RANBP2: variants seen among roughly 807,000 people sequenced by gnomAD.
The protein encoded by RANBP2 is RAN binding protein 2.
RANBP2 carries 57 observed loss-of-function variants against 303.6 expected under a neutral mutation model. That is an observed-to-expected ratio of 0.19 (90% CI 0.15 to 0.23). RANBP2 has a LOEUF of 0.23. Ranked by LOEUF, RANBP2 falls within the 10% of genes least tolerant of loss-of-function variation. RANBP2 has a pLI of 1.00. For missense variants in RANBP2, 3,138 were observed against 3,780.8 expected, an observed-to-expected ratio of 0.83 and a Z score of 4.46; for synonymous variants, 1,167 against 1,301.5, an observed-to-expected ratio of 0.90 and a Z score of 2.23.
chr2:108,771,038 T>A (rs749966112), intron 20 of RANBP2, among the ~76,000 whole-genome samples: 4 of 152,134 alleles, frequency 2.6e-5, no homozygotes, highest in Non-Finnish European at 2.9e-5. Flanking sequence ...AGAAGTTTTT[T>A]CTCTTTCTAA....
At chr2:108,973,781 ACAT>A in the RANBP2 span, among the ~76,000 whole-genome samples, 79 of 152,286 alleles carry the variant, frequency 5.2e-4, no homozygotes, top group African/African-American at 1.8e-3. Context: ...AATAACGAAA[ACAT>A]CATCAGAGTT....
chr2:109,194,529 CCA>C, the RANBP2 span, among the ~76,000 whole-genome samples: 1 of 152,252 alleles, frequency 6.6e-6, no homozygotes, highest in Non-Finnish European at 1.5e-5. Context: ...GGCATTTGCT[CCA>C]GCAGCACTGA....
chr2:109,436,324 C>A, the RANBP2 span, among the ~76,000 whole-genome samples: 1 of 152,202 alleles, frequency 6.6e-6, no homozygotes, highest in Non-Finnish European at 1.5e-5. Flanking sequence ...CAGAGTGTTC[C>A]TCTTGTGTGA....
At chr2:109,025,658 T>C in the RANBP2 span, among the ~76,000 whole-genome samples, 1 of 151,652 alleles carries the variant, frequency 6.6e-6, no homozygotes, top group Non-Finnish European at 1.5e-5. Flanking sequence ...ATTAGCCGGT[T>C]GTGGTGGTGG....
the RANBP2 span, among the ~76,000 whole-genome samples, chr2:109,403,411 C>T: frequency 6.6e-6 from 1 of 152,256 alleles, no homozygotes; most frequent in African/African-American, 2.4e-5. Flanking sequence ...GTTTCCACTT[C>T]AGAGATGAGG....
chr2:108,868,492 C>G, the RANBP2 span, among the ~76,000 whole-genome samples: 4 of 152,136 alleles, frequency 2.6e-5, no homozygotes, highest in Non-Finnish European at 5.9e-5. Flanking sequence ...GTTGGCTCCC[C>G]CATCATCATT....
the RANBP2 span, among the ~76,000 whole-genome samples, chr2:109,710,094 A>T: frequency 4.0e-5 from 6 of 150,534 alleles, no homozygotes; most frequent in Admixed American, 3.3e-4. Context: ...CTCAAAAAAA[A>T]AAAAAAGCCA....
chr2:108,765,351 T>C lies in RANBP2; in HGVS notation c.4812T>C (p.Thr1604=). 6.2e-7 allele frequency: 1 copy of C among 1,612,836 alleles called. No homozygotes were observed. Among genetic ancestry groups the C allele is most frequent in the Non-Finnish European group, 8.5e-7 (1 of 1,179,574 alleles). The part of the protein sequence containing the change: ...APKSGFEGMF[T]KKEGQWDCSV... ...AGAGCGGATTTGAGGGAATGTTCAC[T>C]AAGAAGGAGGGACAGTGGGATTGCA... Residue 1604 remains threonine, a synonymous_variant, in exon 20 of 29, where the codon ACT becomes ACC. Coordinates refer to ENST00000283195, the MANE Select transcript of RANBP2 (RefSeq NM_006267.5).
chr2:109,183,592 A>C, the RANBP2 span, among the ~76,000 whole-genome samples: 1 of 57,140 alleles, frequency 1.8e-5, no homozygotes, highest in Non-Finnish European at 3.2e-5. Context: ...CTTAACTTTT[A>C]TTTTTGAGAT....
chr2:109,030,929 TG>T, the RANBP2 span, among the ~76,000 whole-genome samples: 5 of 152,098 alleles, frequency 3.3e-5, no homozygotes, highest in Non-Finnish European at 7.3e-5. Context: ...CTTGGTAAAA[TG>T]GTTTAATAAT....
At chr2:109,571,205 A>C in the RANBP2 span, among the ~76,000 whole-genome samples, 425 of 152,348 alleles carry the variant, frequency 2.8e-3, 1 homozygote, top group Admixed American at 4.2e-3. Context: ...GTACAGCCTA[A>C]GGAACTGTAA....
the RANBP2 span, among the ~76,000 whole-genome samples, chr2:108,901,527 AAAG>A: frequency 6.6e-6 from 1 of 152,228 alleles, no homozygotes; most frequent in Non-Finnish European, 1.5e-5. Context: ...ATCAATATGA[AAAG>A]AGACAGTTAT....
At chr2:108,731,072 A>G (rs903566621) in intron 3 of RANBP2, among the ~76,000 whole-genome samples, 187 bp downstream of exon 3, 6 of 152,190 alleles carry the variant, frequency 3.9e-5, no homozygotes, top group African/African-American at 1.4e-4. Context: ...TAAGTCTAAC[A>G]CGGTCAGAAA....
At chr2:109,339,427 T>A in the RANBP2 span, among the ~76,000 whole-genome samples, 30 of 152,298 alleles carry the variant, frequency 2.0e-4, no homozygotes, top group East Asian at 5.8e-3. Flanking sequence ...GTCCTCTTGG[T>A]CTTCTGCGGT....
the RANBP2 span, among the ~76,000 whole-genome samples, chr2:109,707,174 A>G: frequency 6.6e-6 from 1 of 152,242 alleles, no homozygotes; most frequent in Non-Finnish European, 1.5e-5. Flanking sequence ...TCTACTGCCT[A>G]GTAACCCCCT....
the RANBP2 span, among the ~76,000 whole-genome samples, chr2:109,167,034 T>A: frequency 2.0e-5 from 3 of 152,194 alleles, no homozygotes; most frequent in Non-Finnish European, 4.4e-5. Context: ...ACACCACTCA[T>A]CGGTGTCCCG....
chr2:109,440,485 A>G, the RANBP2 span, among the ~76,000 whole-genome samples: 31 of 152,252 alleles, frequency 2.0e-4, no homozygotes, highest in Non-Finnish European at 3.5e-4. Flanking sequence ...AATAATAGAC[A>G]TAGTCATATT....
chr2:109,151,565 G>C, the RANBP2 span, among the ~76,000 whole-genome samples: 17 of 152,214 alleles, frequency 1.1e-4, no homozygotes, highest in African/African-American at 4.1e-4. Flanking sequence ...AAAATATGTC[G>C]GCATGTAGTT....
At chr2:108,859,213 A>G in the RANBP2 span, among the ~76,000 whole-genome samples, 94 of 152,222 alleles carry the variant, frequency 6.2e-4, no homozygotes, top group African/African-American at 2.1e-3. Flanking sequence ...TTTGAGAAGT[A>G]TCTGTTCATG....
Sources: gnomAD v4.1 joint callset for allele counts (sites outside exome capture counted in the v4.1 genomes callset) on GRCh38, gnomAD v4.1.1 for gene constraint, MANE v1.5 for transcripts, NCBI Gene and HGNC (gene_info 2026-07-23, HGNC 2026-07-21) for gene names.